RNF103: variants seen among roughly 807,000 people sequenced by gnomAD.
The protein encoded by RNF103 is ring finger protein 103, also known as E3 ubiquitin-protein ligase RNF103.
A neutral mutation model predicts 66.2 loss-of-function variants in RNF103; 23 were observed. That is an observed-to-expected ratio of 0.35 (90% CI 0.25 to 0.49). The LOEUF (loss-of-function observed/expected upper bound fraction) is 0.49. Ranked by LOEUF, RNF103 falls within the 20% of genes least tolerant of loss-of-function variation. The pLI is 0.98. For synonymous variants in RNF103, 297 were observed against 289.9 expected (o/e 1.02, Z -0.25); for missense variants, 730 against 814.7 (o/e 0.90, Z 1.27).
At chr2:86,622,594 G>C (rs1226110379) in intron 1 of RNF103, 67 bp downstream of exon 1, 14 of 1,495,740 alleles carry the variant, frequency 9.4e-6, no homozygotes, top group Non-Finnish European at 1.3e-5. Context: ...GAACAGCCAG[G>C]TACCAGGAGG....
chr2:86,603,803 G>A lies in RNF103; in HGVS notation c.*40C>T, dbSNP rs1221498255. On this transcript the variant is annotated 3_prime_UTR_variant, in exon 4 of 4. Coordinates refer to ENST00000237455, the MANE Select transcript of RNF103 (RefSeq NM_005667.4). ...GTGACTAACATTAAAAAGGCAAGCT[G>A]TAAGATACTCAAAGCTTATAAAGGA... 1 of 1,559,496 alleles carries A rather than the reference G, an allele frequency of 6.4e-7. No individual in the cohort carries two copies. Among genetic ancestry groups the A allele is most frequent in the South Asian group, 1.2e-5 (1 of 80,830 alleles).
At chr2:86,621,735 CAA>C (rs1679238138) in intron 1 of RNF103, among the ~76,000 whole-genome samples, 1 of 152,094 alleles carries the variant, frequency 6.6e-6, no homozygotes, top group East Asian at 1.9e-4. Flanking sequence ...CTTGAAACAA[CAA>C]AAAAGATAAC....
chr2:86,604,578 G>A lies in RNF103; in HGVS notation c.1323C>T (p.Asn441=), dbSNP rs143334428. 3.5e-4 allele frequency: 558 copies of A among 1,614,190 alleles called. 8 individuals carry two copies. The East Asian group carries it at 8.0e-3, about 23-fold the overall frequency. Residue 441 remains asparagine (N), a synonymous_variant, in exon 4 of 4, where the codon AAC becomes AAT. Coordinates refer to ENST00000237455, the MANE Select transcript of RNF103 (RefSeq NM_005667.4). The part of the protein sequence containing the change: ...IDYFEKKRRR[N]NNNDEVNANN... The stretch of plus-strand genomic sequence containing the variant: ...TGGCATTGACTTCATCATTGTTGTT[G>A]TTGCGCCTTCTCTTCTTCTCAAAGT...
chr2:86,609,938 C>G (rs1401040932), intron 3 of RNF103, among the ~76,000 whole-genome samples: 3 of 152,230 alleles, frequency 2.0e-5, no homozygotes, highest in African/African-American at 4.8e-5. Flanking sequence ...ACACTATTCT[C>G]TGCCCACTTA....
intron 2 of RNF103, chr2:86,616,570 G>T: frequency 3.0e-6 from 3 of 985,230 alleles, no homozygotes; most frequent in Non-Finnish European, 3.6e-6. Context: ...GAATCTCCTC[G>T]AACAAAACTT....
At position 86,623,262 on chromosome 2, in the gene RNF103, G is replaced by C; in HGVS notation, c.-376C>G. On this transcript the variant is annotated 5_prime_UTR_variant, in exon 1 of 4. Transcript: ENST00000237455. ...CGGGGCGGGCACTGACCCAGGTGGC[G>C]GGGTCGGCCCTCCGGTGCCGCGATC... 2.0e-6 allele frequency: 2 copies of C among 1,000,264 alleles called. No individual in the cohort carries two copies. The highest frequency in any genetic ancestry group is 2.4e-6 in the Non-Finnish European group (2 of 841,032). 62.0% of individuals were successfully genotyped at this position (1,000,264 alleles called of 1,614,324 possible).
chr2:86,622,587 C>T, intron 1 of RNF103, 74 bp downstream of exon 1: 1 of 1,457,778 alleles, frequency 6.9e-7, no homozygotes, highest in Non-Finnish European at 9.6e-7. Context: ...TCTGGGGGAA[C>T]AGCCAGGTAC....
intron 3 of RNF103, among the ~76,000 whole-genome samples, chr2:86,610,158 A>G (rs1678737099): frequency 1.3e-5 from 2 of 152,350 alleles, no homozygotes; most frequent in Non-Finnish European, 2.9e-5. Flanking sequence ...CAACAAAATC[A>G]TTTTCTGATG....
chr2:86,609,102 C>A (rs1331971986), intron 3 of RNF103, among the ~76,000 whole-genome samples: 1 of 152,090 alleles, frequency 6.6e-6, no homozygotes, highest in African/African-American at 2.4e-5. Flanking sequence ...GGAGGTGGAT[C>A]CCTCATGAAC....
chr2:86,617,540 T>C (rs544425681), intron 2 of RNF103: 2 of 634,202 alleles, frequency 3.2e-6, no homozygotes, highest in South Asian at 7.0e-5. Flanking sequence ...GGAAAAAACA[T>C]AGACTATATA....
Position 86,605,095 on chromosome 2 carries a change from T to G in RNF103, c.806A>C (p.Glu269Ala), listed in dbSNP as rs765845877. The G allele has an allele frequency of 1.2e-6, 2 of 1,613,950 alleles. No homozygotes were observed. Among genetic ancestry groups the G allele is most frequent in the South Asian group, 1.1e-5 (1 of 91,062 alleles). ...CATATAACTCTTGTTGTCCCAATTT[T>G]CTACATTAACAAAAATAAACTCAAC... ...GRVEFIFVNV[E>A]NWDNKSYMTD... The change falls in exon 4 of 4, where the codon GAA becomes GCA. Residue 269 changes from glutamate to alanine, a missense_variant. Transcript: ENST00000237455.
Position 86,604,669 on chromosome 2 carries a change from A to G in RNF103, c.1232T>C (p.Met411Thr), listed in dbSNP as rs1350960528. 6.2e-7 allele frequency: 1 copy of G among 1,614,198 alleles called. No individual in the cohort carries two copies. The highest frequency in any genetic ancestry group is 1.7e-5 in the Admixed American group (1 of 60,018). ...TLASWVRADW[M>T]FYSSHPALFL... Reference sequence around the variant, plus strand: ...CAGGGCTGGGTGTGAAGAGTAAAACATCCAGTCTGCCCTTACCCATGAAGC... The same window carrying G: ...CAGGGCTGGGTGTGAAGAGTAAAACGTCCAGTCTGCCCTTACCCATGAAGC... Residue 411 changes from methionine to threonine, a missense_variant, in exon 4 of 4, where the codon ATG becomes ACG. By Grantham distance (81) the Met-to-Thr change is moderately conservative. This residue lies in a region of RNF103 where 355 missense variants were observed against 351.9 expected (regional missense o/e 1.01). Transcript: ENST00000237455.
intron 2 of RNF103, among the ~76,000 whole-genome samples, chr2:86,615,628 G>A (rs1204773479): frequency 1.3e-5 from 2 of 151,450 alleles, no homozygotes; most frequent in Non-Finnish European, 2.9e-5. Flanking sequence ...ATTCTGAGTG[G>A]CATTCATATG....
At position 86,604,406 on chromosome 2, in the gene RNF103, A is replaced by G; in HGVS notation, c.1495T>C (p.Trp499Arg). The G allele has an allele frequency of 1.2e-6, 2 of 1,614,250 alleles. No homozygotes were observed. Among genetic ancestry groups the G allele is most frequent in the Non-Finnish European group, 1.7e-6 (2 of 1,180,042 alleles). The change falls in exon 4 of 4, where the codon TGG (tryptophan) becomes CGG (arginine). Residue 499 changes from tryptophan to arginine, a missense_variant. Physicochemically the swap from Trp to Arg is moderately radical, Grantham distance 101. Transcript: ENST00000237455. ...TCAGTTGGTATCAGAGGGTGAAGCC[A>G]AAGGTCAGGGAAAGCTAAGCGCTCC... ...FLERLAFPDL[W>R]LHPLIPTDYI...
In RNF103 at chr2:86,623,805, C is replaced by T. The variant is rs1000985194; in HGVS notation, c.-919G>A. ...CAACACCCCCGCCACCTCCGGAGAC[C>T]GCGGCCGTACCCTCCACAACCGTGT... On this transcript the variant is annotated 5_prime_UTR_variant, in exon 1 of 4. Transcript: ENST00000237455. The T allele has an allele frequency of 1.1e-5, 14 of 1,282,836 alleles. No individual in the cohort carries two copies. Among genetic ancestry groups the T allele is most frequent in the Admixed American group, 2.3e-5 (1 of 43,250 alleles). The allele number at this position is 1,282,836 out of a possible 1,614,324, so 79.5% of individuals were successfully genotyped here.
Position 86,623,734 on chromosome 2 carries a change from C to G in RNF103, c.-848G>C. The G allele has an allele frequency of 7.9e-7, 1 of 1,267,914 alleles. No homozygotes were observed. Among genetic ancestry groups the G allele is most frequent in the Non-Finnish European group, 1.0e-6 (1 of 980,296 alleles). The allele number at this position is 1,267,914 out of a possible 1,614,324, so 78.5% of individuals were successfully genotyped here. A position where few individuals can be genotyped will look rare whatever the true frequency, so the allele number is the denominator to read the frequency against. On this transcript the variant is annotated 5_prime_UTR_variant, in exon 1 of 4. Transcript: ENST00000237455. ...ACCCGGCTGCCTCCCGGCCACTCAG[C>G]GCCCGTCCCGCTCGGATGGGCAGTG...
At chr2:86,621,205 G>C (rs1261626624) in intron 1 of RNF103, among the ~76,000 whole-genome samples, 1 of 152,082 alleles carries the variant, frequency 6.6e-6, no homozygotes, top group African/African-American at 2.4e-5. Flanking sequence ...CGTGTGATTT[G>C]AGTCATACTG....
chr2:86,605,237 G>C lies in RNF103; in HGVS notation c.664C>G (p.His222Asp), dbSNP rs1464374007. Reference sequence around the variant, plus strand: ...CTTTTATTCCATTCTTCTTTCAAGTGTTCAGCATTATAAATGGTTTTGATC... The same window carrying C: ...CTTTTATTCCATTCTTCTTTCAAGTCTTCAGCATTATAAATGGTTTTGATC... Reference protein sequence around the residue: ...SRIKTIYNAEHLKEEWNKSDQ... With the variant: ...SRIKTIYNAEDLKEEWNKSDQ... The change falls in exon 4 of 4, where the codon CAC (histidine) becomes GAC (aspartate). Residue 222 changes from histidine to aspartate, a missense_variant. His to Asp is a moderately conservative substitution (Grantham distance 81, BLOSUM62 -1). This residue lies in a region of RNF103 where 327 missense variants were observed against 369.8 expected (regional missense o/e 0.88). Transcript: ENST00000237455. 71 of 1,613,904 alleles carry C rather than the reference G, an allele frequency of 4.4e-5. No homozygotes were observed. The highest frequency in any genetic ancestry group is 6.0e-5 in the Non-Finnish European group (71 of 1,180,022).
intron 2 of RNF103, chr2:86,618,708 AG>A (rs1573368986): frequency 1.3e-5 from 2 of 152,232 alleles, no homozygotes; most frequent in Admixed American, 6.5e-5. Context: ...CACTGAAAGC[AG>A]GGCAGTGGGA....
Sources: allele counts gnomAD v4.1 joint callset (sites outside exome capture counted in the v4.1 genomes callset), GRCh38; gene constraint gnomAD v4.1.1; regional missense constraint gnomAD v4.1.1; transcripts MANE v1.5; gene names NCBI Gene and HGNC (gene_info 2026-07-23, HGNC 2026-07-21).